The following CYGB variants were observed in gnomAD, a reference collection of about 807,000 sequenced individuals.
CYGB encodes the protein cytoglobin, also known as histoglobin.
CYGB carries 13 observed loss-of-function variants against 20.7 expected under a neutral mutation model. The observed-to-expected ratio is 0.63, with a 90% CI of 0.41 to 1.00. The LOEUF is 1.00. Ranked by LOEUF, CYGB falls within the 50% of genes least tolerant of loss-of-function variation. The pLI is 0.00. For missense variants in CYGB, 218 were observed against 257.2 expected, an observed-to-expected ratio of 0.85 and a Z score of 1.04; for synonymous variants, 93 against 107.4, an observed-to-expected ratio of 0.87 and a Z score of 0.83.
chr17:76,531,249 A>C lies in CYGB; in HGVS notation c.376-107T>G. On this transcript the variant is annotated intron_variant, in intron 2 of 3. Transcript: ENST00000293230. This position sits in a 1 kb window ranked among gnomAD's most constrained non-coding sequence, Gnocchi z 7.4. ...GGCCGAGAGGATCATTCCTAACGCA[A>C]CAGTCTGGCAGCTTTGGGAACCCCG... is the stretch of plus-strand genomic sequence containing the variant. 1 of 1,317,230 alleles carries C rather than the reference A, an allele frequency of 7.6e-7. No homozygotes were observed. Among genetic ancestry groups the C allele is most frequent in the Non-Finnish European group, 1.0e-6 (1 of 956,700 alleles). The allele number at this position is 1,317,230 out of a possible 1,614,324, so 81.6% of individuals were successfully genotyped here. A position where few individuals can be genotyped will look rare whatever the true frequency, so the allele number is the denominator to read the frequency against.
At chr17:76,538,331 G>A, upstream of CYGB, 1 of 323,664 alleles carries the variant, frequency 3.1e-6, no homozygotes, top group Non-Finnish European at 6.2e-6. Flanking sequence ...GGGTTAGCAC[G>A]GGGGTCGTCC....
chr17:76,528,102 T>G lies in CYGB; in HGVS notation c.*476A>C. On this transcript the variant is annotated 3_prime_UTR_variant, in exon 4 of 4. Transcript: ENST00000293230. The surrounding 1 kb of genome is among the most constrained non-coding windows in gnomAD (Gnocchi z 5.8). ...GGCTTCTGGGCGCCGCGGATACACA[T>G]TCTAGATATGTATGTGTGTATATAT... 1 of 403,068 alleles carries G rather than the reference T, an allele frequency of 2.5e-6. No individual in the cohort carries two copies. The allele number at this position is 403,068 out of a possible 1,614,324, so 25.0% of individuals were successfully genotyped here.
At position 76,530,061 on chromosome 17, in the gene CYGB, G is replaced by T. The variant is rs896073453; in HGVS notation, c.539+918C>A. Reference sequence around the variant, plus strand: ...GCCGGCAGTCTTGGGGGCCCGTGCAGAGCCCGGCGGGAGACGCCGCCTTTT... The same window carrying T: ...GCCGGCAGTCTTGGGGGCCCGTGCATAGCCCGGCGGGAGACGCCGCCTTTT... On this transcript the variant is annotated intron_variant, in intron 3 of 3. Coordinates refer to ENST00000293230, the MANE Select transcript of CYGB (RefSeq NM_134268.5). The surrounding 1 kb of genome is among the most constrained non-coding windows in gnomAD (Gnocchi z 6.1). The T allele has an allele frequency of 1.7e-5, 17 of 985,322 alleles. No homozygotes were observed. The highest frequency in any genetic ancestry group is 1.9e-5 in the Non-Finnish European group (16 of 829,936). 61.0% of individuals were successfully genotyped at this position (985,322 alleles called of 1,614,324 possible). A position where few individuals can be genotyped will look rare whatever the true frequency, so the allele number is the denominator to read the frequency against.
chr17:76,542,664 G>A (rs748004830), upstream of CYGB: 3 of 1,442,186 alleles, frequency 2.1e-6, no homozygotes, highest in South Asian at 1.1e-5. Flanking sequence ...GGGGAGGGCA[G>A]AGGGCAAGGC....
upstream of CYGB, chr17:76,539,919 T>C: frequency 1.7e-6 from 1 of 603,144 alleles, no homozygotes; most frequent in South Asian, 2.0e-5. Flanking sequence ...AGTGCATGCC[T>C]TGACCCTACC....
At chr17:76,529,575 G>C (rs2074810274) in intron 3 of CYGB, 2 of 985,406 alleles carry the variant, frequency 2.0e-6, no homozygotes, top group African/African-American at 3.5e-5. Flanking sequence ...CCTTTTCTCT[G>C]GAAGCAGGAA....
chr17:76,542,629 G>A, upstream of CYGB: 1 of 1,602,882 alleles, frequency 6.2e-7, no homozygotes, highest in Admixed American at 1.7e-5. Context: ...AGCTGGCTCA[G>A]GCAGGTAGGG....
intron 1 of CYGB, among the ~76,000 whole-genome samples, chr17:76,548,571 G>A (rs937739248): frequency 5.9e-5 from 9 of 152,178 alleles, no homozygotes; most frequent in East Asian, 1.9e-4. Flanking sequence ...TCTGGACCTC[G>A]GTTTCCTCAT....
chr17:76,550,918 AT>A (rs1480487641), exon 1 of CYGB: 3 of 152,230 alleles, frequency 2.0e-5, no homozygotes, highest in African/African-American at 4.8e-5. Flanking sequence ...AAGTCCCGTG[AT>A]GTTTGGATGA....
intron 1 of CYGB, among the ~76,000 whole-genome samples, chr17:76,532,241 C>T (rs1175113399): frequency 6.6e-6 from 1 of 152,224 alleles, no homozygotes; most frequent in Non-Finnish European, 1.5e-5. Context: ...TGTCCACATT[C>T]CCCACTATAC....
rs1021334115 is a variant in CYGB at position 76,533,167 on chromosome 17, C to G, written c.144-1476G>C. Among the ~76,000 whole-genome samples the G allele has an allele frequency of 2.6e-5, 4 of 152,158 alleles. No homozygotes were observed. The highest frequency in any genetic ancestry group is 9.7e-5 in the African/African-American group (4 of 41,426). On this transcript the variant is annotated intron_variant, in intron 1 of 3. Transcript: ENST00000293230. This position sits in a 1 kb window ranked among gnomAD's most constrained non-coding sequence, Gnocchi z 4.5. ...GTTTGCACAGTGACCAGGGCACAGT[C>G]TGTGTGGAGACTCAGGAGGGCCCCT...
intron 1 of CYGB, among the ~76,000 whole-genome samples, chr17:76,548,729 T>C (rs1210425027): frequency 6.6e-6 from 1 of 152,232 alleles, no homozygotes; most frequent in Non-Finnish European, 1.5e-5. Flanking sequence ...CGAAAGCAAC[T>C]GTAATGAACT....
chr17:76,534,918 T>TCAGG (rs1169190467), intron 1 of CYGB, among the ~76,000 whole-genome samples: 1 of 152,232 alleles, frequency 6.6e-6, no homozygotes, highest in Non-Finnish European at 1.5e-5. Flanking sequence ...TGTTTCCACC[T>TCAGG]GAGACCCTCC....
chr17:76,540,136 TGC>T (rs769820518), upstream of CYGB: 2 of 1,599,594 alleles, frequency 1.3e-6, no homozygotes. The surrounding 1 kb of genome is among the most constrained non-coding windows in gnomAD (Gnocchi z 5.0). Flanking sequence ...ATGGGGCAGC[TGC>T]GCCATGTGCA....
rs546677466 is a variant in CYGB, at chr17:76,533,616, A to G, written c.144-1925T>C. On this transcript the variant is annotated intron_variant, in intron 1 of 3. Transcript: ENST00000293230. This position sits in a 1 kb window ranked among gnomAD's most constrained non-coding sequence, Gnocchi z 4.5. ...CACACACCTTTGATTCCAGCTACTC[A>G]GGGGCCTAAAGTGGGAGGATCACTT... Among the ~76,000 whole-genome samples, 80 of 152,096 alleles carry G rather than the reference A, an allele frequency of 5.3e-4. No individual in the cohort carries two copies. Among genetic ancestry groups the G allele is most frequent in the Middle Eastern group, 3.4e-3 (1 of 294 alleles).
Position 76,530,134 on chromosome 17 carries a change from T to G in CYGB, c.539+845A>C. On this transcript the variant is annotated intron_variant, in intron 3 of 3. Coordinates refer to ENST00000293230, the MANE Select transcript of CYGB (RefSeq NM_134268.5). The surrounding 1 kb of genome is among the most constrained non-coding windows in gnomAD (Gnocchi z 6.1). Reference sequence around the variant, plus strand: ...TTTCTCTACCACGGGAATGTTTCTCTACCACGCGTGTCCCGGGCTGCTGGC... The same window carrying G: ...TTTCTCTACCACGGGAATGTTTCTCGACCACGCGTGTCCCGGGCTGCTGGC... 39 of 971,042 alleles carry G rather than the reference T, an allele frequency of 4.0e-5. No individual in the cohort carries two copies. Among genetic ancestry groups the G allele is most frequent in the South Asian group, 4.8e-5 (1 of 20,966 alleles). 60.2% of individuals were successfully genotyped at this position (971,042 alleles called of 1,614,324 possible).
chr17:76,543,118 G>A (rs751667383), intron 1 of CYGB: 24 of 471,002 alleles, frequency 5.1e-5, no homozygotes, highest in Non-Finnish European at 1.3e-5. Context: ...CAGCACTAGA[G>A]AAGGTAGACG....
chr17:76,532,174 T>A (rs2074852466), intron 1 of CYGB: 1 of 159,492 alleles, frequency 6.3e-6, no homozygotes, highest in Non-Finnish European at 1.4e-5. Context: ...AAAGTGAAAC[T>A]CCTTAACCGG....
chr17:76,542,757 G>A (rs1419997546), intron 1 of CYGB: 7 of 701,084 alleles, frequency 1.0e-5, no homozygotes, highest in Non-Finnish European at 1.6e-5. Flanking sequence ...ACTGATGGAG[G>A]TTCAAAGTAG....
Sources: allele counts gnomAD v4.1 joint callset (sites outside exome capture counted in the v4.1 genomes callset), GRCh38; gene constraint gnomAD v4.1.1; non-coding constraint Gnocchi (gnomAD v3.1); transcripts MANE v1.5; gene names NCBI Gene and HGNC (gene_info 2026-07-23, HGNC 2026-07-21).